The following TRIM71 variants were observed in gnomAD, a reference collection of about 807,000 sequenced individuals.
TRIM71 encodes the protein tripartite motif containing 71.
In TRIM71, 9 loss-of-function variants were observed where a neutral mutation model predicts 61.2. The observed-to-expected ratio is 0.15, with a 90% CI of 0.09 to 0.26. TRIM71 has a LOEUF of 0.26. Ranked by LOEUF, TRIM71 falls within the 10% of genes least tolerant of loss-of-function variation. The probability of loss-of-function intolerance (pLI) is 1.00; values close to 1 mark genes in which losing one functional copy is unlikely to be tolerated. For missense variants in TRIM71, 998 were observed against 1,238.7 expected (o/e 0.81, Z 2.92); for synonymous variants, 645 against 553.2 (o/e 1.17, Z -2.33).
At chr3:32,861,409 G>T (rs1696666892) in intron 1 of TRIM71, among the ~76,000 whole-genome samples, 1 of 150,252 alleles carries the variant, frequency 6.7e-6, no homozygotes, top group Non-Finnish European at 1.5e-5. Context: ...TGGGATTACA[G>T]GCATGAGCCA....
rs79718056 is a variant in TRIM71 at position 32,873,804 on chromosome 3, T to G, written c.853-14T>G. ...TGCATCTCCATTTATGCCTGTACCC[T>G]CTCTTGTCCCCAGGTGCTGCACCTG... On this transcript the variant is annotated splice_polypyrimidine_tract_variant and intron_variant, in intron 1 of 3. Transcript: ENST00000383763. 6.2e-3 allele frequency: 9,652 copies of G among 1,544,950 alleles called. 442 individuals are homozygous for G. The East Asian group carries it at 0.098, about 16-fold the overall frequency.
chr3:32,834,830 G>C (rs1696314670), intron 1 of TRIM71, among the ~76,000 whole-genome samples: 1 of 152,094 alleles, frequency 6.6e-6, no homozygotes, highest in Admixed American at 6.6e-5. Context: ...GACAGAGCGA[G>C]ACTCCATCTC....
intron 1 of TRIM71, among the ~76,000 whole-genome samples, chr3:32,863,405 G>C (rs1483588507): frequency 1.2e-4 from 18 of 151,676 alleles, no homozygotes; most frequent in Non-Finnish European, 5.9e-5. Flanking sequence ...TTTGTTGGCC[G>C]GGCTAAGTGT....
At chr3:32,877,170 CTT>C (rs1458760941) in intron 2 of TRIM71, among the ~76,000 whole-genome samples, 1 of 152,164 alleles carries the variant, frequency 6.6e-6, no homozygotes, top group African/African-American at 2.4e-5. Flanking sequence ...ATGGTGCAAT[CTT>C]GGCTTACTGC....
At chr3:32,859,886 C>A (rs1444169950) in intron 1 of TRIM71, among the ~76,000 whole-genome samples, 3 of 152,036 alleles carry the variant, frequency 2.0e-5, no homozygotes, top group Non-Finnish European at 4.4e-5. Context: ...CTGAATTGAT[C>A]TTTTTGCGGT....
intron 2 of TRIM71, among the ~76,000 whole-genome samples, chr3:32,884,382 A>G (rs1023334703): frequency 4.6e-5 from 7 of 152,138 alleles, no homozygotes; most frequent in Admixed American, 2.6e-4. Flanking sequence ...CGTGTATTGT[A>G]TGATGATGCC....
At chr3:32,886,143 CTT>C (rs1696959506) in intron 3 of TRIM71, 75 bp downstream of exon 3, 8 of 1,464,388 alleles carry the variant, frequency 5.5e-6, no homozygotes, top group Non-Finnish European at 6.3e-6. Flanking sequence ...CTACGGGACT[CTT>C]TACAGATCCA....
chr3:32,841,122 G>T (rs1404896023), intron 1 of TRIM71, among the ~76,000 whole-genome samples: 2 of 151,490 alleles, frequency 1.3e-5, no homozygotes, highest in Admixed American at 1.3e-4. Context: ...GCGGTCGCCT[G>T]TAGTCCTAGC....
intron 2 of TRIM71, among the ~76,000 whole-genome samples, chr3:32,884,137 G>A (rs952552523): frequency 2.0e-4 from 30 of 152,110 alleles, no homozygotes; most frequent in Admixed American, 9.8e-4. Flanking sequence ...TTTAAATAAA[G>A]ACCAGGTTTC....
Position 32,891,889 on chromosome 3 carries a change from T to G in TRIM71, c.*78T>G. ...CTCTCTCTCTTTCTCTTTCTCTCTC[T>G]TTTTGAATTTCAAAGAAGAAACAGT... On this transcript the variant is annotated 3_prime_UTR_variant, in exon 4 of 4. Coordinates refer to ENST00000383763, the MANE Select transcript of TRIM71 (RefSeq NM_001039111.3). This position sits in a 1 kb window ranked among gnomAD's most constrained non-coding sequence, Gnocchi z 8.2. 6.6e-7 allele frequency: 1 copy of G among 1,518,918 alleles called. No individual in the cohort carries two copies. The allele number at this position is 1,518,918 out of a possible 1,614,324, so 94.1% of individuals were successfully genotyped here.
chr3:32,853,243 A>G (rs766014041), intron 1 of TRIM71, among the ~76,000 whole-genome samples: 10 of 151,418 alleles, frequency 6.6e-5, no homozygotes, highest in Non-Finnish European at 1.2e-4. Context: ...CAGCCTCCCG[A>G]GTAGCTGGGA....
intron 1 of TRIM71, among the ~76,000 whole-genome samples, chr3:32,826,955 G>A (rs1450219239): frequency 2.6e-5 from 4 of 151,270 alleles, no homozygotes; most frequent in Non-Finnish European, 5.9e-5. Context: ...TAGTAGAGAC[G>A]GGGTTTCACT....
chr3:32,837,813 GA>G (rs59501831), intron 1 of TRIM71, among the ~76,000 whole-genome samples: 51,773 of 151,600 alleles, frequency 0.34, 10,083 homozygotes, highest in East Asian at 0.6. Context: ...CTCAAAAAAA[GA>G]AAAAAAACCT....
chr3:32,828,552 G>C (rs1696230658), intron 1 of TRIM71, among the ~76,000 whole-genome samples: 2 of 126,250 alleles, frequency 1.6e-5, no homozygotes. Flanking sequence ...CTGTCACCCA[G>C]GCTGGAGTGC....
intron 1 of TRIM71, 113 bp downstream of exon 1, chr3:32,819,045 G>A: frequency 8.1e-7 from 1 of 1,241,942 alleles, no homozygotes; most frequent in Non-Finnish European, 1.1e-6. Context: ...GATTTGGTTT[G>A]TATTTCCTTT....
chr3:32,818,476 C>G lies in TRIM71; in HGVS notation c.396C>G (p.Pro132=). The G allele has an allele frequency of 1.4e-6, 2 of 1,447,822 alleles. No individual in the cohort carries two copies. Among genetic ancestry groups the G allele is most frequent in the Non-Finnish European group, 1.8e-6 (2 of 1,104,682 alleles). 89.7% of individuals were successfully genotyped at this position (1,447,822 alleles called of 1,614,324 possible). A position where few individuals can be genotyped will look rare whatever the true frequency, so the allele number is the denominator to read the frequency against. The change falls in exon 1 of 4, where the codon CCC becomes CCG. Residue 132 remains proline, a synonymous_variant. Transcript: ENST00000383763. ...AVVATADEPP[P]KNGRAGAPAG... is the part of the protein sequence containing the mutation. ...TGGCCACTGCCGACGAGCCGCCGCC[C>G]AAGAACGGGCGCGCCGGCGCTCCGG...
chr3:32,885,447 G>A lies in TRIM71; in HGVS notation c.1021-487G>A, dbSNP rs752123047. Among the ~76,000 whole-genome samples the A allele has an allele frequency of 2.6e-5, 4 of 152,168 alleles. No individual in the cohort carries two copies. The South Asian group carries it at 8.3e-4, about 32-fold the overall frequency. On this transcript the variant is annotated intron_variant, in intron 2 of 3. Coordinates refer to ENST00000383763, the MANE Select transcript of TRIM71 (RefSeq NM_001039111.3). ...GTGTTCGTTCTGGCTGGGGTGAGCT[G>A]TGTTGCCAGTGCCTTGACAAAAGCA...
At position 32,891,839 on chromosome 3, in the gene TRIM71, G is replaced by A; in HGVS notation, c.*28G>A. On this transcript the variant is annotated 3_prime_UTR_variant, in exon 4 of 4. Coordinates refer to ENST00000383763, the MANE Select transcript of TRIM71 (RefSeq NM_001039111.3). This position sits in a 1 kb window ranked among gnomAD's most constrained non-coding sequence, Gnocchi z 8.2. Reference sequence around the variant, plus strand: ...GCATTTCCTAGGTTTCTGTGTTTGGGGTGTGTGTGCGTGTCTCTCTCTCTC... The same window carrying A: ...GCATTTCCTAGGTTTCTGTGTTTGGAGTGTGTGTGCGTGTCTCTCTCTCTC... 1 of 1,599,134 alleles carries A rather than the reference G, an allele frequency of 6.3e-7. No individual in the cohort carries two copies. Among genetic ancestry groups the A allele is most frequent in the Non-Finnish European group, 8.5e-7 (1 of 1,174,798 alleles).
At chr3:32,869,193 C>G (rs1179769605) in intron 1 of TRIM71, among the ~76,000 whole-genome samples, 7 of 152,200 alleles carry the variant, frequency 4.6e-5, no homozygotes, top group Non-Finnish European at 1.0e-4. Context: ...CACTTTACTT[C>G]TGTAGTGGGA....
Sources: gnomAD v4.1 joint callset for allele counts (sites outside exome capture counted in the v4.1 genomes callset) on GRCh38, gnomAD v4.1.1 for gene constraint, Gnocchi (gnomAD v3.1) non-coding constraint, MANE v1.5 for transcripts, NCBI Gene and HGNC (gene_info 2026-07-23, HGNC 2026-07-21) for gene names.